EGFR: variants seen among roughly 807,000 people sequenced by gnomAD.
The protein encoded by EGFR is avian erythroblastic leukemia viral (v-erb-b) oncogene homolog.
EGFR carries 58 observed loss-of-function variants against 143.0 expected under a neutral mutation model. That is an observed-to-expected ratio of 0.41 (90% CI 0.33 to 0.50). EGFR has a LOEUF of 0.50. EGFR is among the 20% of genes least tolerant of loss of function. The pLI, the probability that EGFR is intolerant of heterozygous loss-of-function variation, is 0.39. For synonymous variants in EGFR, 613 were observed against 594.4 expected (o/e 1.03, Z -0.45); for missense variants, 1,307 against 1,579.0 (o/e 0.83, Z 2.92).
chr7:55,151,168 C>T (rs1785129862), intron 4 of EGFR, 126 bp from the exon 5 acceptor site: 5 of 970,680 alleles, frequency 5.2e-6, no homozygotes, highest in South Asian at 1.3e-5. Flanking sequence ...GCCAGCCAAA[C>T]AATCAGAGAA....
intron 6 of EGFR, among the ~76,000 whole-genome samples, chr7:55,153,709 G>A (rs1216291300): frequency 6.6e-6 from 1 of 152,106 alleles, no homozygotes; most frequent in Non-Finnish European, 1.5e-5. Context: ...TCATTCCATA[G>A]TCACCGCTAT....
intron 1 of EGFR, among the ~76,000 whole-genome samples, chr7:55,134,145 C>T (rs1195226677): frequency 2.0e-5 from 3 of 152,188 alleles, no homozygotes; most frequent in Non-Finnish European, 2.9e-5. Context: ...CAGCAAGGCC[C>T]ACCCCAGCCA....
intron 1 of EGFR, among the ~76,000 whole-genome samples, chr7:55,070,587 CTT>C (rs1789761298): frequency 6.6e-6 from 1 of 152,238 alleles, no homozygotes; most frequent in Non-Finnish European, 1.5e-5. Flanking sequence ...TGGAAGAGGA[CTT>C]TGCCATCCTC....
At chr7:55,083,844 T>C (rs17172438) in intron 1 of EGFR, among the ~76,000 whole-genome samples, 31,803 of 152,184 alleles carry the variant, frequency 0.21, 3,804 homozygotes, top group African/African-American at 0.32. Flanking sequence ...AGAAGTAACA[T>C]CCTGGGAATG....
intron 1 of EGFR, among the ~76,000 whole-genome samples, chr7:55,026,717 C>G (rs1178070670): frequency 6.6e-6 from 1 of 152,162 alleles, no homozygotes; most frequent in African/African-American, 2.4e-5. Context: ...CATAAAACTT[C>G]TCCCTCAAAC....
intron 1 of EGFR, among the ~76,000 whole-genome samples, chr7:55,020,288 C>A (rs865914500): frequency 2.6e-5 from 4 of 152,214 alleles, no homozygotes; most frequent in African/African-American, 9.6e-5. Flanking sequence ...ATGGCCGCCT[C>A]GCGGAGACGT....
chr7:55,191,938 CT>C, intron 21 of EGFR, 64 bp downstream of exon 21: 1 of 1,604,390 alleles, frequency 6.2e-7, no homozygotes, highest in Non-Finnish European at 8.5e-7. Flanking sequence ...TGCCTTCCCA[CT>C]AGCTGTATTG....
intron 21 of EGFR, among the ~76,000 whole-genome samples, 184 bp from the exon 22 acceptor site, chr7:55,192,582 C>T (rs1232015866): frequency 2.0e-5 from 3 of 152,234 alleles, no homozygotes; most frequent in East Asian, 3.9e-4. Flanking sequence ...ACCAGAGCAG[C>T]CCTGAACTCC....
chr7:55,074,420 G>A (rs1304921986), intron 1 of EGFR, among the ~76,000 whole-genome samples: 5 of 152,198 alleles, frequency 3.3e-5, no homozygotes, highest in Non-Finnish European at 7.3e-5. Context: ...TAGAATGTGG[G>A]TTTACAGCTG....
chr7:55,170,397 G>C lies in EGFR; in HGVS notation c.1881-778G>C, dbSNP rs1235478360. On this transcript the variant is annotated intron_variant, in intron 15 of 27. Transcript: ENST00000275493. Reference sequence around the variant, plus strand: ...GTAATGATGGCAGCGTGTCCCACCAGAGCGGGAGCCCAGCTGCTCAGGAGT... The same window carrying C: ...GTAATGATGGCAGCGTGTCCCACCACAGCGGGAGCCCAGCTGCTCAGGAGT... 3 of 1,614,054 alleles carry C rather than the reference G, an allele frequency of 1.9e-6. No individual in the cohort carries two copies. Among genetic ancestry groups the C allele is most frequent in the Non-Finnish European group, 1.7e-6 (2 of 1,180,048 alleles).
chr7:55,131,263 C>T (rs112182839), intron 1 of EGFR, among the ~76,000 whole-genome samples: 2 of 151,960 alleles, frequency 1.3e-5, no homozygotes, highest in Admixed American at 6.6e-5. Context: ...ACTAAACTGC[C>T]GGCAGAGGCT....
chr7:55,036,247 C>T lies in EGFR; in HGVS notation c.88+16882C>T, dbSNP rs544883600. On this transcript the variant is annotated intron_variant, in intron 1 of 27. Coordinates refer to ENST00000275493, the MANE Select transcript of EGFR (RefSeq NM_005228.5). ...CTAAGTTTATATTCTGTTCAGATCA[C>T]AAGTGGTCAAGTTTGTGTGTGTGTG... 2.2e-4 allele frequency among the ~76,000 whole-genome samples: 24 copies of T among 109,582 alleles called. No individual in the cohort carries two copies. The South Asian group carries it at 7.0e-3, about 32-fold the overall frequency. 71.9% of individuals were successfully genotyped at this position (109,582 alleles called of 152,430 possible). A position where few individuals can be genotyped will look rare whatever the true frequency, so the allele number is the denominator to read the frequency against.
intron 20 of EGFR, among the ~76,000 whole-genome samples, chr7:55,190,276 G>A (rs73346613): frequency 0.017 from 2,656 of 152,122 alleles, 69 homozygotes; most frequent in African/African-American, 0.056. Flanking sequence ...GAGCGCTCTC[G>A]GCAGTGCAGG....
chr7:55,101,357 T>C (rs1466419037), intron 1 of EGFR, among the ~76,000 whole-genome samples: 1 of 152,250 alleles, frequency 6.6e-6, no homozygotes, highest in Non-Finnish European at 1.5e-5. Context: ...TGCTCCAGCA[T>C]TTCCCCGTGT....
At chr7:55,082,718 C>T (rs1002876003) in intron 1 of EGFR, among the ~76,000 whole-genome samples, 2 of 152,200 alleles carry the variant, frequency 1.3e-5, no homozygotes, top group African/African-American at 4.8e-5. Context: ...GCAGGGCAGC[C>T]GTAGTGTGTG....
chr7:55,055,277 A>G (rs982953702), intron 1 of EGFR, among the ~76,000 whole-genome samples: 1 of 152,108 alleles, frequency 6.6e-6, no homozygotes, highest in African/African-American at 2.4e-5. Context: ...AAAAAATCTT[A>G]ACTCTTGGTC....
At position 55,160,192 on chromosome 7, in the gene EGFR, G is replaced by T. The variant is rs751667594; in HGVS notation, c.1352G>T (p.Arg451Leu). 6.2e-7 allele frequency: 1 copy of T among 1,614,008 alleles called. No homozygotes were observed. The highest frequency in any genetic ancestry group is 8.5e-7 in the Non-Finnish European group (1 of 1,180,030). The stretch of plus-strand genomic sequence containing the variant: ...CTGAACATAACATCCTTGGGATTAC[G>T]CTCCCTCAAGGAGATAAGTGATGGA... ...VSLNITSLGL[R>L]SLKEISDGDV... Residue 451 changes from arginine to leucine, a missense_variant, in exon 12 of 28, where the codon CGC becomes CTC. Arg to Leu is a moderately radical substitution (Grantham distance 102). Around this residue, in one of 7 missense-constraint regions of EGFR, gnomAD observed 250 missense variants for 295.1 expected, o/e 0.85. Coordinates refer to ENST00000275493, the MANE Select transcript of EGFR (RefSeq NM_005228.5).
chr7:55,057,373 T>C (rs913388785), intron 1 of EGFR, among the ~76,000 whole-genome samples: 19 of 152,206 alleles, frequency 1.2e-4, no homozygotes, highest in African/African-American at 4.6e-4. Context: ...CACCTCTTAA[T>C]TAAGCATCTC....
intron 4 of EGFR, among the ~76,000 whole-genome samples, chr7:55,150,264 G>A (rs1015917580): frequency 3.9e-5 from 6 of 152,218 alleles, no homozygotes; most frequent in African/African-American, 9.6e-5. Context: ...CTTTTAGCAC[G>A]CCTGCGTAGG....
Sources: gnomAD v4.1 joint callset for allele counts (sites outside exome capture counted in the v4.1 genomes callset) on GRCh38, gnomAD v4.1.1 for gene constraint, gnomAD v4.1.1 regional missense constraint, MANE v1.5 for transcripts, NCBI Gene and HGNC (gene_info 2026-07-23, HGNC 2026-07-21) for gene names.